PRH1: variants seen among roughly 807,000 people sequenced by gnomAD.
The protein encoded by PRH1 is salivary acidic proline-rich phosphoprotein 1/2.
PRH1 carries 7 observed loss-of-function variants against 7.9 expected under a neutral mutation model. The observed-to-expected ratio is 0.89, with a 90% CI of 0.50 to 1.67. PRH1 has a LOEUF of 1.67. Among genes scored for constraint, PRH1 ranks in the 40% most tolerant of loss-of-function variants. The probability of loss-of-function intolerance (pLI) is 0.00; values close to 1 mark genes in which losing one functional copy is unlikely to be tolerated. For synonymous variants in PRH1, 45 were observed against 80.8 expected, an observed-to-expected ratio of 0.56 and a Z score of 2.38; for missense variants, 109 against 223.6, an observed-to-expected ratio of 0.49 and a Z score of 3.27.
At chr12:11,037,603 A>G (rs1361833782) in intron 1 of PRH1, among the ~76,000 whole-genome samples, 2 of 152,246 alleles carry the variant, frequency 1.3e-5, no homozygotes, top group Non-Finnish European at 2.9e-5. Flanking sequence ...ACACTTTCAA[A>G]TGTGTATCAT....
intron 2 of PRH1, among the ~76,000 whole-genome samples, chr12:10,921,758 C>T (rs1950048577): frequency 6.6e-6 from 1 of 152,036 alleles, no homozygotes; most frequent in Non-Finnish European, 1.5e-5. Context: ...CTTGCTATCC[C>T]TTGGATTTTT....
intron 1 of PRH1, among the ~76,000 whole-genome samples, chr12:11,023,333 T>A (rs1941752883): frequency 6.6e-6 from 1 of 152,208 alleles, no homozygotes; most frequent in Non-Finnish European, 1.5e-5. Context: ...CCAGGTGGTA[T>A]TAGTCTTATT....
At chr12:10,926,443 A>C (rs926113009) in intron 2 of PRH1, among the ~76,000 whole-genome samples, 4 of 152,214 alleles carry the variant, frequency 2.6e-5, no homozygotes, top group African/African-American at 9.7e-5. Flanking sequence ...AGATTTAGTC[A>C]TGTGGGTGTG....
chr12:10,931,305 C>T, intron 2 of PRH1: 2 of 960,328 alleles, frequency 2.1e-6, no homozygotes, highest in East Asian at 2.7e-5. Context: ...AATTACCTCT[C>T]TTAAATAGGG....
chr12:10,919,341 T>C lies in PRH1; in HGVS notation c.-58-35066A>G, dbSNP rs796293285. Among the ~76,000 whole-genome samples, 30 of 152,322 alleles carry C rather than the reference T, an allele frequency of 2.0e-4. 1 individual carries two copies. Among genetic ancestry groups the C allele is most frequent in the African/African-American group, 7.2e-4 (30 of 41,584 alleles). On this transcript the variant is annotated intron_variant, in intron 2 of 3. Transcript: ENST00000539853. ...CTCATTCTTTCATGATGTTATTCTATGCCACTCTTTAAAGAGAAGTGTTGG... is the reference window on the plus strand; with the variant it reads ...CTCATTCTTTCATGATGTTATTCTACGCCACTCTTTAAAGAGAAGTGTTGG...
intron 1 of PRH1, among the ~76,000 whole-genome samples, chr12:11,125,319 T>C (rs1425991970): frequency 1.3e-5 from 2 of 152,286 alleles, no homozygotes; most frequent in Admixed American, 6.5e-5. Context: ...TCTTGTTGGC[T>C]GTTTAATTTT....
intron 1 of PRH1, among the ~76,000 whole-genome samples, chr12:11,031,622 CT>C (rs1236183361): frequency 4.6e-5 from 7 of 151,894 alleles, no homozygotes; most frequent in South Asian, 4.2e-4. Flanking sequence ...TCCCATTTTC[CT>C]TTTTTTGTCC....
chr12:10,948,592 CTT>C (rs1185524462), intron 2 of PRH1, among the ~76,000 whole-genome samples: 1 of 152,170 alleles, frequency 6.6e-6, no homozygotes, highest in African/African-American at 2.4e-5. Flanking sequence ...TCTCAATAAT[CTT>C]TGTTTCTGCC....
At chr12:11,065,861 G>A (rs1267764814) in intron 1 of PRH1, among the ~76,000 whole-genome samples, 1 of 152,194 alleles carries the variant, frequency 6.6e-6, no homozygotes, top group African/African-American at 2.4e-5. Context: ...TTTGATGTGA[G>A]TAGCTTTTTT....
chr12:11,147,643 T>C (rs971067395), intron 1 of PRH1, among the ~76,000 whole-genome samples: 4 of 152,252 alleles, frequency 2.6e-5, no homozygotes, highest in African/African-American at 4.8e-5. Context: ...AGTGACATCA[T>C]CACATCATTA....
At chr12:11,158,422 T>C (rs1201313289) in intron 1 of PRH1, among the ~76,000 whole-genome samples, 3 of 152,154 alleles carry the variant, frequency 2.0e-5, no homozygotes, top group African/African-American at 4.8e-5. Flanking sequence ...TAATTTTTTG[T>C]TCAAAAAATT....
chr12:11,167,103 T>C (rs1947603439), intron 1 of PRH1, among the ~76,000 whole-genome samples: 1 of 152,164 alleles, frequency 6.6e-6, no homozygotes, highest in Non-Finnish European at 1.5e-5. Context: ...TGTAACATAT[T>C]AACTAGTTCC....
chr12:11,145,035 A>G (rs1470298350), intron 1 of PRH1, among the ~76,000 whole-genome samples: 2 of 152,176 alleles, frequency 1.3e-5, no homozygotes, highest in Admixed American at 6.5e-5. Flanking sequence ...GTGGATTTGT[A>G]GCTAAAATTC....
intron 1 of PRH1, among the ~76,000 whole-genome samples, chr12:11,109,517 C>A (rs1180404713): frequency 1.3e-5 from 2 of 152,066 alleles, no homozygotes; most frequent in Non-Finnish European, 2.9e-5. Flanking sequence ...CTGGTGATAC[C>A]CAGGCAAACA....
At chr12:10,931,178 G>A (rs1386706693) in intron 2 of PRH1, 14 of 1,557,054 alleles carry the variant, frequency 9.0e-6, no homozygotes, top group African/African-American at 2.7e-5. Context: ...TAATATTTCC[G>A]TGTCCTGGAA....
At chr12:10,917,187 G>C (rs556702583) in intron 2 of PRH1, among the ~76,000 whole-genome samples, 2 of 152,246 alleles carry the variant, frequency 1.3e-5, no homozygotes, top group South Asian at 4.1e-4. Context: ...CAGATATCCT[G>C]TTCCTTGCCA....
chr12:11,070,495 C>G (rs1157185287), intron 1 of PRH1, among the ~76,000 whole-genome samples: 1 of 151,854 alleles, frequency 6.6e-6, no homozygotes, highest in East Asian at 1.9e-4. Flanking sequence ...CACTTGATCT[C>G]CAAAGTGCCC....
At chr12:11,084,469 T>C (rs571993312) in intron 1 of PRH1, among the ~76,000 whole-genome samples, 1 of 130,978 alleles carries the variant, frequency 7.6e-6, no homozygotes, top group African/African-American at 2.8e-5. Context: ...AGGATACAAA[T>C]ACTGGGTCTT....
At chr12:11,134,039 G>A (rs181542355) in intron 1 of PRH1, 1 of 1,614,094 alleles carries the variant, frequency 6.2e-7, no homozygotes, top group East Asian at 2.2e-5. Flanking sequence ...ATTCAACTGA[G>A]TTGCATACCA....
Sources: gnomAD v4.1 joint callset for allele counts (sites outside exome capture counted in the v4.1 genomes callset) on GRCh38, gnomAD v4.1.1 for gene constraint, MANE v1.5 for transcripts, NCBI Gene and HGNC (gene_info 2026-07-23, HGNC 2026-07-21) for gene names.